The following DPH1 variants were observed in gnomAD, a reference collection of about 807,000 sequenced individuals.
The protein encoded by DPH1 is 2-(3-amino-3-carboxypropyl)histidine synthase subunit 1.
Under a neutral mutation model 55.3 loss-of-function variants are expected in DPH1, and 59 were observed. The ratio of observed to expected loss-of-function variants is 1.07; its 90% confidence interval spans 0.87 to 1.33. The LOEUF (loss-of-function observed/expected upper bound fraction) is 1.33, where lower values mean the gene tolerates loss of function less well. Among genes scored for constraint, DPH1 ranks in the 40% most tolerant of loss-of-function variants. The pLI, the probability that DPH1 is intolerant of heterozygous loss-of-function variation, is 0.00. For missense variants in DPH1, 628 were observed against 584.8 expected, an observed-to-expected ratio of 1.07 and a Z score of -0.76; for synonymous variants, 238 against 235.5, an observed-to-expected ratio of 1.01 and a Z score of -0.10.
intron 1 of DPH1, among the ~76,000 whole-genome samples, chr17:2,032,384 TTCATGGGC>T (rs1160248701): frequency 1.3e-5 from 2 of 152,196 alleles, no homozygotes; most frequent in Non-Finnish European, 2.9e-5. Context: ...CCATATTCTA[TTCATGGGC>T]TCAAGTCTTC....
In DPH1 at chr17:2,041,754, G is replaced by A. The variant is rs1274308357; in HGVS notation, c.1228-14G>A. The A allele has an allele frequency of 1.3e-6, 2 of 1,599,654 alleles. No individual in the cohort carries two copies. Among genetic ancestry groups the A allele is most frequent in the Admixed American group, 3.4e-5 (2 of 58,002 alleles). ...TCGCAGGAGCGAGACCCTAACCAAA[G>A]TCTGCGACCTCAGGTGCAGGAGGGG... On this transcript the variant is annotated splice_polypyrimidine_tract_variant and intron_variant, in intron 11 of 12. Transcript: ENST00000263083.
chr17:2,033,619 A>C lies in DPH1; in HGVS notation c.176A>C (p.Lys59Thr). The C allele has an allele frequency of 6.2e-7, 1 of 1,614,246 alleles. No individual in the cohort carries two copies. The highest frequency in any genetic ancestry group is 8.5e-7 in the Non-Finnish European group (1 of 1,180,044). The change falls in exon 2 of 13, where the codon AAG (lysine) becomes ACG (threonine). Residue 59 changes from lysine to threonine, a missense_variant. Transcript: ENST00000263083. ...TCCAACTACAACTTTGAGATCCCCAAGACCATCTGGAGGATCCAACAAGCC... is the reference window on the plus strand; with the variant it reads ...TCCAACTACAACTTTGAGATCCCCACGACCATCTGGAGGATCCAACAAGCC... The part of the protein sequence containing the change: ...LPSNYNFEIP[K>T]TIWRIQQAQA...
intron 1 of DPH1, 73 bp downstream of exon 1, chr17:2,030,303 A>G: frequency 2.1e-6 from 3 of 1,444,272 alleles, no homozygotes; most frequent in Non-Finnish European, 2.8e-6. Flanking sequence ...GACAGGACCA[A>G]CCCCCTTTAA....
Position 2,040,595 on chromosome 17 carries a change from G to A in DPH1, c.997G>A (p.Glu333Lys), listed in dbSNP as rs375530492. 16 of 1,614,034 alleles carry A rather than the reference G, an allele frequency of 9.9e-6. No individual in the cohort carries two copies. Among genetic ancestry groups the A allele is most frequent in the Non-Finnish European group, 1.1e-5 (13 of 1,180,008 alleles). Residue 333 changes from glutamate to lysine, a missense_variant, in exon 9 of 13, where the codon GAG becomes AAG. Coordinates refer to ENST00000263083, the MANE Select transcript of DPH1 (RefSeq NM_001383.6). ...CCCCAGCAAGCTTAGCCTACTTCCT[G>A]AGGTGGATGTGTGAGTATCTGCCTG... Reference protein sequence around the residue: ...IFPSKLSLLPEVDVWVQVACP... With the variant: ...IFPSKLSLLPKVDVWVQVACP...
rs753224058 is a variant in DPH1, at chr17:2,042,093, C to T, written c.*18+218C>T. ...GCGGGTCCTGTGCCTGGCGGGCTTCCGGCAGAGCGAGCGGGGCTTCCGTGA... is the reference window on the plus strand; with the variant it reads ...GCGGGTCCTGTGCCTGGCGGGCTTCTGGCAGAGCGAGCGGGGCTTCCGTGA... On this transcript the variant is annotated intron_variant, in intron 12 of 12. Coordinates refer to ENST00000263083, the MANE Select transcript of DPH1 (RefSeq NM_001383.6). The T allele has an allele frequency of 1.0e-5, 16 of 1,567,662 alleles. No homozygotes were observed. The East Asian group carries it at 1.2e-4, about 12-fold the overall frequency.
Position 2,036,620 on chromosome 17 carries a change from C to A in DPH1, c.492C>A (p.Arg164=). 1 of 1,614,156 alleles carries A rather than the reference C, an allele frequency of 6.2e-7. No homozygotes were observed. ...IDTTHLLDSL[R]LTFPPATALA... is the part of the protein sequence containing the mutation. Reference sequence around the variant, plus strand: ...CTACACACCTCCTGGACTCTCTCCGCCTCACCTTTCCCCCAGCCACTGCCC... The same window carrying A: ...CTACACACCTCCTGGACTCTCTCCGACTCACCTTTCCCCCAGCCACTGCCC... Residue 164 remains arginine, a synonymous_variant, in exon 5 of 13, where the codon CGC becomes CGA. Coordinates refer to ENST00000263083, the MANE Select transcript of DPH1 (RefSeq NM_001383.6). This position sits in a 1 kb window ranked among gnomAD's most constrained non-coding sequence, Gnocchi z 4.8.
At chr17:2,038,356 A>T (rs568886750) in intron 6 of DPH1, among the ~76,000 whole-genome samples, 1 of 152,084 alleles carries the variant, frequency 6.6e-6, no homozygotes, top group East Asian at 1.9e-4. Context: ...TTTTGTTATA[A>T]CTCAGTAACT....
chr17:2,039,401 G>C (rs12944136), intron 6 of DPH1: 4,827 of 138,490 alleles, frequency 0.035, 108 homozygotes, highest in Middle Eastern at 0.064. Flanking sequence ...TTTTTGAGAC[G>C]GAGTCTCACT....
rs192105513 is a variant in DPH1, at chr17:2,042,083, G to A, written c.*18+208G>A. ...AGCGACCCCTGCGGGTCCTGTGCCT[G>A]GCGGGCTTCCGGCAGAGCGAGCGGG... On this transcript the variant is annotated intron_variant, in intron 12 of 12. Coordinates refer to ENST00000263083, the MANE Select transcript of DPH1 (RefSeq NM_001383.6). The A allele has an allele frequency of 1.6e-3, 2,432 of 1,565,928 alleles. 1 individual carries two copies. The highest frequency in any genetic ancestry group is 1.9e-3 in the Non-Finnish European group (2,210 of 1,165,426).
intron 11 of DPH1, 53 bp from the exon 12 acceptor site, chr17:2,041,690 CGGGAAACGCACAGGAGCGGAGCGGA>C: frequency 6.3e-6 from 10 of 1,577,250 alleles, no homozygotes; most frequent in South Asian, 1.1e-5. Context: ...GCGACCGCGA[CGGGAAACGCACAGGAGCGGAGCGGA>C]GGGAAACGCA....
Position 2,036,031 on chromosome 17 carries a change from G to A in DPH1, c.340G>A (p.Asp114Asn), listed in dbSNP as rs565122512. 2 of 1,614,030 alleles carry A rather than the reference G, an allele frequency of 1.2e-6. No individual in the cohort carries two copies. Among genetic ancestry groups the A allele is most frequent in the African/African-American group, 2.7e-5 (2 of 75,044 alleles). ...GACCTACGGGGCTTGCTGTGTGGAT[G>A]ACTTCACAGCGAGGGCCCTGGGAGC... ...DVTYGACCVD[D>N]FTARALGADF... The change falls in exon 4 of 13, where the codon GAC becomes AAC. Residue 114 changes from aspartate (D) to asparagine (N), a missense_variant. By Grantham distance (23) the Asp-to-Asn change is conservative (BLOSUM62 1). Transcript: ENST00000263083. This position sits in a 1 kb window ranked among gnomAD's most constrained non-coding sequence, Gnocchi z 4.8.
Position 2,036,593 on chromosome 17 carries a change from C to T in DPH1, c.465C>T (p.Asp155=). Residue 155 remains aspartate, a synonymous_variant, in exon 5 of 13, where the codon GAC becomes GAT. Coordinates refer to ENST00000263083, the MANE Select transcript of DPH1 (RefSeq NM_001383.6). This position sits in a 1 kb window ranked among gnomAD's most constrained non-coding sequence, Gnocchi z 4.8. ...ACGTCTTTGTGGACATCCGGATAGA[C>T]ACTACACACCTCCTGGACTCTCTCC... ...VLYVFVDIRI[D]TTHLLDSLRL... 5 of 1,614,138 alleles carry T rather than the reference C, an allele frequency of 3.1e-6. No individual in the cohort carries two copies. Among genetic ancestry groups the T allele is most frequent in the Non-Finnish European group, 2.5e-6 (3 of 1,180,014 alleles).
At position 2,036,842 on chromosome 17, in the gene DPH1, C is replaced by T; in HGVS notation, c.566C>T (p.Ala189Val). 6.2e-7 allele frequency: 1 copy of T among 1,613,522 alleles called. No individual in the cohort carries two copies. Among genetic ancestry groups the T allele is most frequent in the Non-Finnish European group, 8.5e-7 (1 of 1,179,916 alleles). The change falls in exon 6 of 13, where the codon GCC (alanine) becomes GTC (valine). Residue 189 changes from alanine (A) to valine (V), a missense_variant. Ala to Val is a moderately conservative substitution (Grantham distance 64, BLOSUM62 0). Coordinates refer to ENST00000263083, the MANE Select transcript of DPH1 (RefSeq NM_001383.6). This position sits in a 1 kb window ranked among gnomAD's most constrained non-coding sequence, Gnocchi z 4.8. ...IQFVSTLQAA[A>V]QELKAEYRVS... The stretch of plus-strand genomic sequence containing the variant: ...CCCTCGTCATTCCTACAGGCAGCCG[C>T]CCAGGAGCTGAAAGCCGAGTATCGT...
Position 2,036,686 on chromosome 17 carries a change from G to A in DPH1, c.558G>A (p.Gln186=). Residue 186 remains glutamine, a splice_region_variant and synonymous_variant, in exon 5 of 13, where the codon CAG becomes CAA. Coordinates refer to ENST00000263083, the MANE Select transcript of DPH1 (RefSeq NM_001383.6). This position sits in a 1 kb window ranked among gnomAD's most constrained non-coding sequence, Gnocchi z 4.8. ...VSTIQFVSTL[Q]AAAQELKAEY... ...CCATTCAGTTTGTGTCGACCTTGCAGGTGGGTGGAACGAGGATCCTCGGCC... is the reference window on the plus strand; with the variant it reads ...CCATTCAGTTTGTGTCGACCTTGCAAGTGGGTGGAACGAGGATCCTCGGCC... 1 of 1,614,066 alleles carries A rather than the reference G, an allele frequency of 6.2e-7. No individual in the cohort carries two copies. The highest frequency in any genetic ancestry group is 8.5e-7 in the Non-Finnish European group (1 of 1,179,984).
intron 6 of DPH1, chr17:2,039,390 CTTTT>C (rs2067476496): frequency 8.7e-6 from 1 of 114,694 alleles, no homozygotes; most frequent in Non-Finnish European, 1.8e-5. Flanking sequence ...TTTTTTTTTT[CTTTT>C]TGAGACGGAG....
intron 12 of DPH1, chr17:2,042,212 G>T: frequency 7.0e-7 from 1 of 1,431,938 alleles, no homozygotes; most frequent in East Asian, 2.7e-5. Context: ...CGGGCCCCGA[G>T]GGCGCCAGAT....
rs541454915 is a variant in DPH1 at position 2,039,772 on chromosome 17, G to A, written c.698G>A (p.Arg233His). The change falls in exon 7 of 13, where the codon CGC (arginine) becomes CAC (histidine). Residue 233 changes from arginine to histidine, a missense_variant. Physicochemically the swap from Arg to His is conservative, Grantham distance 29. Coordinates refer to ENST00000263083, the MANE Select transcript of DPH1 (RefSeq NM_001383.6). ...CCCTGCAGGTATCTTGGAGATGGCC[G>A]CTTCCATCTGGAGTCTGTCATGATT... ...VEAVVYLGDG[R>H]FHLESVMIAN... 1.6e-5 allele frequency: 26 copies of A among 1,614,112 alleles called. No individual in the cohort carries two copies. The highest frequency in any genetic ancestry group is 9.9e-5 in the South Asian group (9 of 91,076).
chr17:2,033,350 G>A, intron 1 of DPH1, 155 bp from the exon 2 acceptor site: 1 of 1,085,002 alleles, frequency 9.2e-7, no homozygotes, highest in South Asian at 1.5e-5. Context: ...TGTAGGGCTA[G>A]CTAAGATGCC....
In DPH1 at chr17:2,036,402, TCTC is replaced by T. The variant is rs2067425554; in HGVS notation, c.401-124_401-122del. 1.6e-6 allele frequency: 2 copies of T among 1,278,614 alleles called. No individual in the cohort carries two copies. Among genetic ancestry groups the T allele is most frequent in the South Asian group, 1.4e-5 (1 of 70,450 alleles). 79.2% of individuals were successfully genotyped at this position (1,278,614 alleles called of 1,614,324 possible). A position where few individuals can be genotyped will look rare whatever the true frequency, so the allele number is the denominator to read the frequency against. On this transcript the variant is annotated intron_variant, in intron 4 of 12. Transcript: ENST00000263083. The surrounding 1 kb of genome is among the most constrained non-coding windows in gnomAD (Gnocchi z 4.8). ...TCTAGGGGATCTGTGACCCCCCTCTTCTCCTACCCTGTCCTTTTACCCCCAGGC... is the reference window on the plus strand; with the variant it reads ...TCTAGGGGATCTGTGACCCCCCTCTTCTACCCTGTCCTTTTACCCCCAGGC...
Sources: gnomAD v4.1 joint callset for allele counts (sites outside exome capture counted in the v4.1 genomes callset) on GRCh38, gnomAD v4.1.1 for gene constraint, Gnocchi (gnomAD v3.1) non-coding constraint, MANE v1.5 for transcripts, NCBI Gene and HGNC (gene_info 2026-07-23, HGNC 2026-07-21) for gene names.